HIVEP3: variants seen among roughly 807,000 people sequenced by gnomAD.
HIVEP3 encodes transcription factor HIVEP3.
Under a neutral mutation model 152.8 loss-of-function variants are expected in HIVEP3, and 49 were observed. The ratio of observed to expected loss-of-function variants is 0.32; its 90% CI spans 0.26 to 0.41. HIVEP3 has a LOEUF of 0.41. Ranked by LOEUF, HIVEP3 falls within the 10% of genes least tolerant of loss-of-function variation. The pLI, the probability that HIVEP3 is intolerant of heterozygous loss-of-function variation, is 1.00. For synonymous variants in HIVEP3, 1,269 were observed against 1,289.0 expected (o/e 0.98, Z 0.33); for missense variants, 2,790 against 3,103.3 (o/e 0.90, Z 2.40).
At chr1:41,604,179 T>A (rs61773682) in intron 3 of HIVEP3, among the ~76,000 whole-genome samples, 5 of 152,138 alleles carry the variant, frequency 3.3e-5, no homozygotes, top group African/African-American at 9.7e-5. Context: ...TAAGACTATA[T>A]CCTATAGAAA....
intron 5 of HIVEP3, among the ~76,000 whole-genome samples, chr1:41,526,908 T>C (rs28972608): frequency 0.99 from 121,623 of 122,592 alleles, 60,338 homozygotes; most frequent in East Asian, 1. Flanking sequence ...AACATGCTCA[T>C]ATCTCCACAC....
chr1:41,821,877 G>A (rs1037567734), intron 1 of HIVEP3, among the ~76,000 whole-genome samples: 1 of 152,192 alleles, frequency 6.6e-6, no homozygotes, highest in African/African-American at 2.4e-5. Context: ...TGCTGCAACA[G>A]GACATTCCCT....
chr1:41,570,440 G>A (rs574782822), intron 5 of HIVEP3, among the ~76,000 whole-genome samples: 11 of 152,258 alleles, frequency 7.2e-5, no homozygotes, highest in African/African-American at 1.4e-4. Flanking sequence ...TTTCATAAGC[G>A]TTTGGTAGTT....
Position 41,580,919 on chromosome 1 carries a change from T to C in HIVEP3, c.3879A>G (p.Pro1293=). 6.2e-7 allele frequency: 1 copy of C among 1,612,688 alleles called. No individual in the cohort carries two copies. Among genetic ancestry groups the C allele is most frequent in the Non-Finnish European group, 8.5e-7 (1 of 1,179,480 alleles). The change falls in exon 4 of 9, where the codon CCA becomes CCG. Residue 1293 remains proline (P), a synonymous_variant. Coordinates refer to ENST00000372583, the MANE Select transcript of HIVEP3 (RefSeq NM_024503.5). ...CTGATGTAGGTGCTGAGGAGCTGGCTGGGGGAGCCACAGGGGGTAGCCGGA... is the reference window on the plus strand; with the variant it reads ...CTGATGTAGGTGCTGAGGAGCTGGCCGGGGGAGCCACAGGGGGTAGCCGGA... ...SDIRLPPVAP[P]ASSSAPTSAP...
intron 2 of HIVEP3, among the ~76,000 whole-genome samples, chr1:41,668,558 G>A (rs190899447): frequency 2.4e-4 from 36 of 152,292 alleles, no homozygotes; most frequent in African/African-American, 8.2e-4. Context: ...TCACTAGTCC[G>A]TAAACATAAT....
At chr1:41,941,889 A>T (rs899440571) in intron 1 of HIVEP3, among the ~76,000 whole-genome samples, 12 of 152,218 alleles carry the variant, frequency 7.9e-5, no homozygotes, top group African/African-American at 2.7e-4. Context: ...GGATCGCTGG[A>T]TCACACTTTC....
chr1:41,908,083 A>T (rs1374102345), intron 1 of HIVEP3, among the ~76,000 whole-genome samples: 2 of 152,214 alleles, frequency 1.3e-5, no homozygotes, highest in Non-Finnish European at 2.9e-5. Flanking sequence ...AAACAAAAAA[A>T]TAGGCATCCA....
At chr1:41,526,953 A>AC (rs1329160242) in intron 5 of HIVEP3, among the ~76,000 whole-genome samples, 1 of 93,042 alleles carries the variant, frequency 1.1e-5, no homozygotes, top group Non-Finnish European at 2.1e-5. Flanking sequence ...ACATGCTCAC[A>AC]CCCCACTCAT....
chr1:41,804,046 A>T (rs540219005), intron 1 of HIVEP3, among the ~76,000 whole-genome samples: 1 of 152,098 alleles, frequency 6.6e-6, no homozygotes, highest in East Asian at 1.9e-4. Context: ...CTTGCATATT[A>T]TTTCTTTATT....
At chr1:41,944,999 C>T (rs1645067183) in intron 1 of HIVEP3, among the ~76,000 whole-genome samples, 1 of 152,278 alleles carries the variant, frequency 6.6e-6, no homozygotes, top group African/African-American at 2.4e-5. Flanking sequence ...AACCTGACCT[C>T]CTGAGAGAAG....
chr1:41,577,044 G>A (rs903664065), intron 4 of HIVEP3, among the ~76,000 whole-genome samples: 9 of 152,108 alleles, frequency 5.9e-5, no homozygotes, highest in African/African-American at 2.2e-4. Context: ...AATGACCAAG[G>A]TGCCTCCCAC....
intron 2 of HIVEP3, among the ~76,000 whole-genome samples, chr1:41,649,230 C>T (rs1349163354): frequency 6.6e-6 from 1 of 152,184 alleles, no homozygotes; most frequent in Non-Finnish European, 1.5e-5. Context: ...AAATGTCTCC[C>T]ATAAGGGGTT....
intron 2 of HIVEP3, among the ~76,000 whole-genome samples, chr1:41,697,439 G>A (rs186810418): frequency 2.6e-5 from 4 of 152,326 alleles, no homozygotes; most frequent in South Asian, 4.1e-4. Context: ...CCACGTGCAC[G>A]CCTTTCTTAG....
At position 41,579,740 on chromosome 1, in the gene HIVEP3, T is replaced by A. The variant is rs1196236818; in HGVS notation, c.5058A>T (p.Thr1686=). 1 of 1,563,764 alleles carries A rather than the reference T, an allele frequency of 6.4e-7. No homozygotes were observed. The highest frequency in any genetic ancestry group is 8.7e-7 in the Non-Finnish European group (1 of 1,151,810). ...VPSSSRKPRM[T]EVHLPSLVSP... is the part of the protein sequence containing the mutation. ...AGAAAAACAAGGCTGAACTTACCTC[T>A]GTCATGCGGGGCTTGCGGGAGCTGG... is the stretch of plus-strand genomic sequence containing the variant. The change falls in exon 4 of 9, where the codon ACA becomes ACT. Residue 1686 remains threonine, a synonymous_variant. Transcript: ENST00000372583.
chr1:41,996,068 C>G (rs1645393981), intron 1 of HIVEP3, among the ~76,000 whole-genome samples: 2 of 152,054 alleles, frequency 1.3e-5, no homozygotes, highest in African/African-American at 4.8e-5. Context: ...TCTCTCTGTG[C>G]CACTATGTCT....
intron 1 of HIVEP3, among the ~76,000 whole-genome samples, chr1:41,754,964 T>C (rs1647247483): frequency 6.6e-6 from 1 of 152,052 alleles, no homozygotes; most frequent in Non-Finnish European, 1.5e-5. Context: ...TCACAAGCCT[T>C]GAAAAAGTAC....
At chr1:41,759,438 G>T (rs1647522602) in intron 1 of HIVEP3, among the ~76,000 whole-genome samples, 1 of 152,174 alleles carries the variant, frequency 6.6e-6, no homozygotes, top group East Asian at 1.9e-4. Flanking sequence ...TGGAGATTTG[G>T]GTTATTTCCA....
At chr1:41,784,443 C>T (rs566590511) in intron 1 of HIVEP3, among the ~76,000 whole-genome samples, 12 of 152,322 alleles carry the variant, frequency 7.9e-5, no homozygotes, top group East Asian at 3.9e-4. Flanking sequence ...TAAAATCACA[C>T]GTGTGGTTCA....
chr1:41,925,231 C>G (rs997391747), intron 1 of HIVEP3, among the ~76,000 whole-genome samples: 3 of 152,184 alleles, frequency 2.0e-5, no homozygotes, highest in African/African-American at 7.2e-5. Flanking sequence ...CTGAACAACT[C>G]AGGGGTTGGG....
Sources: gnomAD v4.1 joint callset for allele counts (sites outside exome capture counted in the v4.1 genomes callset) on GRCh38, gnomAD v4.1.1 for gene constraint, MANE v1.5 for transcripts, NCBI Gene and HGNC (gene_info 2026-07-23, HGNC 2026-07-21) for gene names.